HIPK2: variants seen among roughly 807,000 people sequenced by gnomAD.
HIPK2 encodes homeodomain interacting protein kinase 2.
Under a neutral mutation model 113.7 loss-of-function variants are expected in HIPK2, and 27 were observed. The ratio of observed to expected loss-of-function variants is 0.24; its 90% CI spans 0.17 to 0.33. The LOEUF (loss-of-function observed/expected upper bound fraction) is 0.33. HIPK2 is among the 10% of genes least tolerant of loss of function. The pLI is 1.00. For missense variants in HIPK2, 1,257 were observed against 1,588.0 expected (o/e 0.79, Z 3.54); for synonymous variants, 631 against 642.2 (o/e 0.98, Z 0.26).
At position 139,573,363 on chromosome 7, in the gene HIPK2, C is replaced by T. The variant is rs1298558940; in HGVS notation, c.3161G>A (p.Ser1054Asn). The T allele has an allele frequency of 2.5e-6, 4 of 1,604,902 alleles. No homozygotes were observed. The highest frequency in any genetic ancestry group is 1.7e-5 in the Admixed American group (1 of 60,010). Residue 1054 changes from serine to asparagine, a missense_variant, in exon 15 of 15, where the codon AGC (serine) becomes AAC (asparagine). Ser to Asn is a conservative substitution (Grantham distance 46). Transcript: ENST00000406875. ...GATGTAGGCCTGCTGCCTTCGGTGG[C>T]TCCCAGTGCGGTCCGTGGTGATGTG... ...QQHITTDRTGSHRRQQAYITP... is the reference protein window; with the variant it reads ...QQHITTDRTGNHRRQQAYITP...
intron 2 of HIPK2, among the ~76,000 whole-genome samples, chr7:139,652,691 G>A (rs6948769): frequency 0.058 from 8,898 of 152,216 alleles, 336 homozygotes; most frequent in African/African-American, 0.11. Context: ...AGACCTCAGC[G>A]GACTCCACTC....
rs373425042 is a variant in HIPK2, at chr7:139,614,327, G to A, written c.1949C>T (p.Pro650Leu). ...ACACACGATGAGAGCTTGCTGGAAC[G>A]GGTCAGGCCGGGCACAAATCTGGGC... ...GTAQICARPDPFQQALIVCPP... is the reference protein window; with the variant it reads ...GTAQICARPDLFQQALIVCPP... The change falls in exon 8 of 15, where the codon CCG becomes CTG. Residue 650 changes from proline (P) to leucine (L), a missense_variant. By Grantham distance (98) the Pro-to-Leu change is moderately conservative (BLOSUM62 -3). Coordinates refer to ENST00000406875, the MANE Select transcript of HIPK2 (RefSeq NM_022740.5). The A allele has an allele frequency of 3.2e-6, 5 of 1,558,668 alleles. No individual in the cohort carries two copies. The highest frequency in any genetic ancestry group is 2.4e-5 in the East Asian group (1 of 42,146).
At chr7:139,662,460 T>C (rs528110097) in intron 2 of HIPK2, among the ~76,000 whole-genome samples, 2 of 152,134 alleles carry the variant, frequency 1.3e-5, no homozygotes, top group African/African-American at 4.8e-5. Context: ...TCGTTGCTTA[T>C]AAACCACTTG....
chr7:139,690,830 G>C (rs984628093), intron 2 of HIPK2, among the ~76,000 whole-genome samples: 4 of 152,150 alleles, frequency 2.6e-5, no homozygotes, highest in Admixed American at 6.6e-5. Flanking sequence ...GACCAATCTT[G>C]AACTTTTGCA....
At chr7:139,667,800 T>C (rs946872224) in intron 2 of HIPK2, among the ~76,000 whole-genome samples, 1 of 152,198 alleles carries the variant, frequency 6.6e-6, no homozygotes, top group South Asian at 2.1e-4. Context: ...CTATTTTACT[T>C]TGGCTTATCT....
intron 1 of HIPK2, among the ~76,000 whole-genome samples, chr7:139,749,063 C>T (rs1796237779): frequency 6.6e-6 from 1 of 152,228 alleles, no homozygotes; most frequent in Admixed American, 6.5e-5. Flanking sequence ...AAAACTGTCA[C>T]AATTGTCATG....
intron 2 of HIPK2, among the ~76,000 whole-genome samples, chr7:139,643,762 A>G (rs1046103333): frequency 6.6e-6 from 1 of 152,264 alleles, no homozygotes; most frequent in African/African-American, 2.4e-5. Context: ...TGTAATGTCA[A>G]TGAGGAAGGT....
chr7:139,665,020 AC>A (rs1219096798), intron 2 of HIPK2, among the ~76,000 whole-genome samples: 8 of 145,280 alleles, frequency 5.5e-5, no homozygotes, highest in Non-Finnish European at 1.2e-4. Context: ...TTCCTTGGTT[AC>A]CCTTCTTCTT....
chr7:139,717,518 G>T (rs1795282712), intron 1 of HIPK2, among the ~76,000 whole-genome samples: 2 of 152,164 alleles, frequency 1.3e-5, no homozygotes, highest in African/African-American at 4.8e-5. Context: ...GATCCTGGAT[G>T]AACCCTAATT....
chr7:139,635,613 C>T (rs771366997), intron 2 of HIPK2, among the ~76,000 whole-genome samples: 4 of 152,070 alleles, frequency 2.6e-5, no homozygotes, highest in Middle Eastern at 3.4e-3. Flanking sequence ...TACCATGATA[C>T]GTGCCGCAGA....
rs139949760 is a variant in HIPK2, at chr7:139,670,401, T to C, written c.1104-38676A>G. On this transcript the variant is annotated intron_variant, in intron 2 of 14. Coordinates refer to ENST00000406875, the MANE Select transcript of HIPK2 (RefSeq NM_022740.5). The stretch of plus-strand genomic sequence containing the variant: ...GAGTTCAAGACCAGCCAGGGCATCA[T>C]AACGAGAGCCTATCTCTACAAAAAA... Among the ~76,000 whole-genome samples, 961 of 147,646 alleles carry C rather than the reference T, an allele frequency of 6.5e-3. 12 individuals are homozygous for C. The highest frequency in any genetic ancestry group is 7.3e-3 in the Non-Finnish European group (495 of 67,390).
intron 1 of HIPK2, among the ~76,000 whole-genome samples, chr7:139,754,377 G>C (rs1270600110): frequency 6.6e-6 from 1 of 152,218 alleles, no homozygotes. Flanking sequence ...AGACCACTTT[G>C]TGGAGGCCAT....
intron 2 of HIPK2, among the ~76,000 whole-genome samples, chr7:139,685,634 T>C (rs1013524002): frequency 5.3e-5 from 8 of 152,220 alleles, no homozygotes; most frequent in Non-Finnish European, 1.2e-4. Context: ...CCAGTGCTCA[T>C]TTACCATTCT....
At chr7:139,696,398 C>A (rs992115312) in intron 2 of HIPK2, among the ~76,000 whole-genome samples, 13 of 151,708 alleles carry the variant, frequency 8.6e-5, no homozygotes, top group Non-Finnish European at 1.6e-4. Context: ...CATAGTGAGA[C>A]CCCCCGCCAC....
rs539874948 is a variant in HIPK2, at chr7:139,748,071, A to G, written c.19+29534T>C. ...GTCACTTTGTGGTCTTGAAGAAAAT[A>G]TTTTTCCAACCTGAAAGGACAAAAT... On this transcript the variant is annotated intron_variant, in intron 1 of 14. Coordinates refer to ENST00000406875, the MANE Select transcript of HIPK2 (RefSeq NM_022740.5). 5.3e-5 allele frequency among the ~76,000 whole-genome samples: 8 copies of G among 151,828 alleles called. No individual in the cohort carries two copies. In the East Asian group the frequency reaches 1.4e-3, roughly 26 times the overall value.
chr7:139,774,066 C>G (rs1796698323), intron 1 of HIPK2, among the ~76,000 whole-genome samples: 2 of 152,186 alleles, frequency 1.3e-5, no homozygotes, highest in African/African-American at 4.8e-5. Flanking sequence ...GTTCTTTCTT[C>G]TATGGCTATA....
intron 1 of HIPK2, among the ~76,000 whole-genome samples, chr7:139,741,762 A>C (rs1454217003): frequency 6.6e-6 from 1 of 152,216 alleles, no homozygotes; most frequent in Non-Finnish European, 1.5e-5. Context: ...TATTCAATAA[A>C]TACTCAGTAT....
intron 12 of HIPK2, among the ~76,000 whole-genome samples, chr7:139,595,628 T>C (rs1370246774): frequency 1.3e-5 from 2 of 152,132 alleles, no homozygotes; most frequent in Non-Finnish European, 1.5e-5. Context: ...GAATGAGACA[T>C]GTACTAACCC....
In HIPK2 at chr7:139,563,641, C is replaced by T; in HGVS notation, c.*9286G>A. On this transcript the variant is annotated 3_prime_UTR_variant, in exon 15 of 15. Transcript: ENST00000406875. ...TTAATTCATGTAAAGGAAAAAACAG[C>T]AACACCACCACACAAACAGGAAAGT... 2.5e-6 allele frequency: 1 copy of T among 395,218 alleles called. No individual in the cohort carries two copies. The highest frequency in any genetic ancestry group is 3.6e-5 in the East Asian group (1 of 27,888). The allele number at this position is 395,218 out of a possible 1,614,324, so 24.5% of individuals were successfully genotyped here. A position where few individuals can be genotyped will look rare whatever the true frequency, so the allele number is the denominator to read the frequency against.
Sources: allele counts gnomAD v4.1 joint callset (sites outside exome capture counted in the v4.1 genomes callset), GRCh38; gene constraint gnomAD v4.1.1; transcripts MANE v1.5; gene names NCBI Gene and HGNC (gene_info 2026-07-23, HGNC 2026-07-21).